The following PC variants were observed in gnomAD, a reference collection of about 807,000 sequenced individuals.
PC encodes pyruvate carboxylase, mitochondrial.
Under a neutral mutation model 107.8 loss-of-function variants are expected in PC, and 46 were observed. The observed-to-expected ratio is 0.43, with a 90% CI of 0.34 to 0.55. The LOEUF (loss-of-function observed/expected upper bound fraction) is 0.55. Among genes scored for constraint, PC ranks in the 20% least tolerant of loss-of-function variants. PC has a pLI of 0.04. For synonymous variants in PC, 662 were observed against 684.7 expected (o/e 0.97, Z 0.52); for missense variants, 1,241 against 1,643.1 (o/e 0.76, Z 4.23).
At chr11:66,925,876 G>A (rs1225982975) in intron 3 of PC, among the ~76,000 whole-genome samples, 1 of 151,936 alleles carries the variant, frequency 6.6e-6, no homozygotes, top group Non-Finnish European at 1.5e-5. Context: ...GGCTTCAGCG[G>A]GTCCCTCCGT....
intron 12 of PC, among the ~76,000 whole-genome samples, chr11:66,855,455 C>G (rs543999437): frequency 1.6e-4 from 25 of 152,276 alleles, no homozygotes; most frequent in African/African-American, 5.8e-4. Context: ...TGCGGTACCA[C>G]GCCCGGCTAA....
chr11:66,850,418 C>A lies in PC; in HGVS notation c.2520G>T (p.Gly840=). Residue 840 remains glycine (G), a synonymous_variant, in exon 19 of 23, where the codon GGG becomes GGT. Transcript: ENST00000393960. ...RVFDYSEYWE[G]ARGLYAAFDC... is the part of the protein sequence containing the mutation. ...CGAAGGCCGCGTACAGTCCCCGAGC[C>A]CCCTCCCAGTACTCACTGTAGTCAA... 6.2e-7 allele frequency: 1 copy of A among 1,614,058 alleles called. No homozygotes were observed. The highest frequency in any genetic ancestry group is 1.7e-5 in the Admixed American group (1 of 60,028).
intron 3 of PC, among the ~76,000 whole-genome samples, chr11:66,904,026 T>C (rs1948072328): frequency 6.6e-6 from 1 of 151,768 alleles, no homozygotes; most frequent in South Asian, 2.1e-4. Flanking sequence ...ACAATATTGC[T>C]AGTGCTCTGC....
At chr11:66,947,509 C>T (rs1293964790) in intron 3 of PC, among the ~76,000 whole-genome samples, 1 of 149,618 alleles carries the variant, frequency 6.7e-6, no homozygotes, top group East Asian at 2.0e-4. Flanking sequence ...TGCAGTGAGC[C>T]GAGATCGTGC....
At chr11:66,912,547 A>G (rs1363890647) in intron 3 of PC, among the ~76,000 whole-genome samples, 2 of 152,348 alleles carry the variant, frequency 1.3e-5, no homozygotes, top group East Asian at 3.9e-4. Flanking sequence ...TGTGACTGAC[A>G]GCCGTAAAGG....
chr11:66,870,740 C>T lies in PC; in HGVS notation c.751+35G>A, dbSNP rs1202212195. The T allele has an allele frequency of 2.5e-6, 4 of 1,579,274 alleles. No individual in the cohort carries two copies. Among genetic ancestry groups the T allele is most frequent in the African/African-American group, 2.7e-5 (2 of 74,510 alleles). Reference sequence around the variant, plus strand: ...GGACTGGGCCTCTCAGCTCCCGCCTCCAGCTGCCCCAGGCGGGGCGTCAGG... The same window carrying T: ...GGACTGGGCCTCTCAGCTCCCGCCTTCAGCTGCCCCAGGCGGGGCGTCAGG... On this transcript the variant is annotated intron_variant, in intron 8 of 22. Transcript: ENST00000393960. The surrounding 1 kb of genome is among the most constrained non-coding windows in gnomAD (Gnocchi z 6.1).
intron 3 of PC, among the ~76,000 whole-genome samples, chr11:66,916,302 T>A (rs1335602848): frequency 6.6e-6 from 1 of 152,182 alleles, no homozygotes; most frequent in Non-Finnish European, 1.5e-5. Context: ...CCCAGGCTGG[T>A]CTTCACCTCC....
chr11:66,862,146 G>C (rs1008311720), intron 12 of PC, among the ~76,000 whole-genome samples: 33 of 152,290 alleles, frequency 2.2e-4, no homozygotes, highest in Admixed American at 2.2e-3. Context: ...AGGACACCAG[G>C]AGCCGCAGCA....
At chr11:66,943,721 T>TCACTG (rs1949207150) in intron 3 of PC, among the ~76,000 whole-genome samples, 1 of 108,894 alleles carries the variant, frequency 9.2e-6, no homozygotes, top group Non-Finnish European at 1.7e-5. Context: ...GCGCCACTGC[T>TCACTG]CTCCAGCCTG....
At chr11:66,945,426 C>G (rs4008840) in intron 3 of PC, among the ~76,000 whole-genome samples, 78,434 of 81,712 alleles carry the variant, frequency 0.96, 37,787 homozygotes, top group Non-Finnish European at 1. Context: ...TTTGGGGGGG[C>G]GGGTCGGAAC....
chr11:66,873,497 TATATA>T (rs1218416784), intron 3 of PC, among the ~76,000 whole-genome samples: 2 of 13,720 alleles, frequency 1.5e-4, no homozygotes, highest in East Asian at 5.4e-3. Flanking sequence ...TTATATATAT[TATATA>T]ATATTATATA....
chr11:66,899,370 A>T (rs1446765377), intron 3 of PC, among the ~76,000 whole-genome samples: 1 of 152,114 alleles, frequency 6.6e-6, no homozygotes, highest in Non-Finnish European at 1.5e-5. Context: ...TGAAATGCAT[A>T]TACGATGGTG....
intron 3 of PC, among the ~76,000 whole-genome samples, chr11:66,916,883 G>A (rs930644966): frequency 1.3e-5 from 2 of 151,982 alleles, no homozygotes; most frequent in Non-Finnish European, 2.9e-5. Flanking sequence ...GAACCCGGGA[G>A]GCAGAGTTTG....
intron 3 of PC, among the ~76,000 whole-genome samples, chr11:66,936,078 CAAAA>C (rs11346699): frequency 5.7e-5 from 6 of 104,880 alleles, no homozygotes; most frequent in African/African-American, 3.6e-5. Context: ...GACCCTGTCT[CAAAA>C]AAAAAAAAAA....
intron 3 of PC, among the ~76,000 whole-genome samples, chr11:66,891,013 C>T (rs1229918132): frequency 6.6e-6 from 1 of 151,968 alleles, no homozygotes; most frequent in Non-Finnish European, 1.5e-5. Context: ...AGGACATATA[C>T]CTAGAATTGG....
At chr11:66,933,160 T>C (rs1417722020) in intron 3 of PC, among the ~76,000 whole-genome samples, 1 of 152,044 alleles carries the variant, frequency 6.6e-6, no homozygotes, top group East Asian at 1.9e-4. Flanking sequence ...AAGGTGTCTC[T>C]CTCCTGACAG....
chr11:66,865,476 C>T (rs993963129), intron 11 of PC, among the ~76,000 whole-genome samples: 1 of 152,226 alleles, frequency 6.6e-6, no homozygotes, highest in Non-Finnish European at 1.5e-5. Flanking sequence ...GGGCTCCTGC[C>T]CACAGCTGGG....
rs1201845769 is a variant in PC, at chr11:66,858,045, C to T, written c.1369-4662G>A. 1 of 1,611,026 alleles carries T rather than the reference C, an allele frequency of 6.2e-7. No homozygotes were observed. Among genetic ancestry groups the T allele is most frequent in the African/African-American group, 1.3e-5 (1 of 74,930 alleles). On this transcript the variant is annotated intron_variant, in intron 12 of 22. Transcript: ENST00000393960. This position sits in a 1 kb window ranked among gnomAD's most constrained non-coding sequence, Gnocchi z 5.9. Reference sequence around the variant, plus strand: ...TGGGGACCTCGAGAGCCTGCGTTCCCTCCACCTTGACGGCAACAGGCTGGT... The same window carrying T: ...TGGGGACCTCGAGAGCCTGCGTTCCTTCCACCTTGACGGCAACAGGCTGGT...
At chr11:66,886,487 G>A (rs1350850131) in intron 3 of PC, among the ~76,000 whole-genome samples, 3 of 152,094 alleles carry the variant, frequency 2.0e-5, no homozygotes, top group Admixed American at 6.5e-5. Context: ...TGGGGAAGCT[G>A]GATTTGAGAA....
Sources: allele counts gnomAD v4.1 joint callset (sites outside exome capture counted in the v4.1 genomes callset), GRCh38; gene constraint gnomAD v4.1.1; non-coding constraint Gnocchi (gnomAD v3.1); transcripts MANE v1.5; gene names NCBI Gene and HGNC (gene_info 2026-07-23, HGNC 2026-07-21).